The following MDM4 variants were observed in gnomAD, a reference collection of about 807,000 sequenced individuals.
MDM4 encodes protein Mdm4.
MDM4 carries 2 observed loss-of-function variants against 60.2 expected under a neutral mutation model. The observed-to-expected ratio is 0.03, with a 90% CI of 0.01 to 0.10. MDM4 has a LOEUF of 0.10. Ranked by LOEUF, MDM4 falls within the 10% of genes least tolerant of loss-of-function variation. The probability of loss-of-function intolerance (pLI) is 1.00; values close to 1 mark genes in which losing one functional copy is unlikely to be tolerated. For missense variants in MDM4, 447 were observed against 577.5 expected (o/e 0.77, Z 2.32); for synonymous variants, 202 against 198.1 (o/e 1.02, Z -0.17).
intron 5 of MDM4, among the ~76,000 whole-genome samples, chr1:204,536,123 G>C (rs1661392014): frequency 6.6e-6 from 1 of 152,086 alleles, no homozygotes; most frequent in African/African-American, 2.4e-5. Context: ...AGTCAGGCGT[G>C]CGCCTATAAT....
chr1:204,539,520 T>G (rs1003473336), intron 7 of MDM4, among the ~76,000 whole-genome samples: 1 of 148,210 alleles, frequency 6.7e-6, no homozygotes, highest in Non-Finnish European at 1.5e-5. Flanking sequence ...AAACTTGTTT[T>G]TTTTTTTTGT....
At chr1:204,530,860 C>G in intron 4 of MDM4, 43 bp downstream of exon 4, 1 of 1,612,464 alleles carries the variant, frequency 6.2e-7, no homozygotes, top group Non-Finnish European at 8.5e-7. Flanking sequence ...GGTGCTTATA[C>G]CTAGCCACTT....
intron 3 of MDM4, chr1:204,529,441 C>G: frequency 6.7e-7 from 1 of 1,499,814 alleles, no homozygotes; most frequent in East Asian, 2.3e-5. Flanking sequence ...CCCCCTGGAG[C>G]TGTACCATCA....
At chr1:204,523,318 T>C (rs1341057285) in intron 1 of MDM4, among the ~76,000 whole-genome samples, 4 of 148,836 alleles carry the variant, frequency 2.7e-5, no homozygotes, top group African/African-American at 9.8e-5. Flanking sequence ...ATACACAAAA[T>C]TAGCTGGGCG....
Position 204,553,330 on chromosome 1 carries a change from A to G in MDM4, c.*3648A>G, listed in dbSNP as rs1663357083. ...AGGAAACTTCCAAATACTGACATTT[A>G]CCTTTTAGCTGTAGTTATTGGGACC... On this transcript the variant is annotated 3_prime_UTR_variant, in exon 11 of 11. Coordinates refer to ENST00000367182, the MANE Select transcript of MDM4 (RefSeq NM_002393.5). 2 of 219,132 alleles carry G rather than the reference A, an allele frequency of 9.1e-6. No individual in the cohort carries two copies. The highest frequency in any genetic ancestry group is 9.2e-6 in the Non-Finnish European group (1 of 109,050). 13.6% of individuals were successfully genotyped at this position (219,132 alleles called of 1,614,324 possible). A position where few individuals can be genotyped will look rare whatever the true frequency, so the allele number is the denominator to read the frequency against.
intron 2 of MDM4, among the ~76,000 whole-genome samples, chr1:204,526,124 C>T (rs1402774578): frequency 1.3e-5 from 2 of 152,050 alleles, no homozygotes; most frequent in African/African-American, 4.8e-5. Flanking sequence ...GATATGGTGG[C>T]GTGCACCTGT....
rs1663209770 is a variant in MDM4, at chr1:204,551,568, A to C, written c.*1886A>C. On this transcript the variant is annotated 3_prime_UTR_variant, in exon 11 of 11. Transcript: ENST00000367182. ...ATCTGAAGAGGCCTCATCAGAGCAC[A>C]TATTTTAGGACAACACATATGGAAA... 4.6e-6 allele frequency: 1 copy of C among 215,532 alleles called. No individual in the cohort carries two copies. The highest frequency in any genetic ancestry group is 2.4e-5 in the African/African-American group (1 of 42,100). The allele number at this position is 215,532 out of a possible 1,614,324, so 13.4% of individuals were successfully genotyped here. A position where few individuals can be genotyped will look rare whatever the true frequency, so the allele number is the denominator to read the frequency against.
At chr1:204,540,418 A>G (rs1425121079) in intron 7 of MDM4, among the ~76,000 whole-genome samples, 2 of 152,102 alleles carry the variant, frequency 1.3e-5, no homozygotes, top group Non-Finnish European at 2.9e-5. Flanking sequence ...TCCATTAGAT[A>G]TGTTGTGGTC....
At position 204,549,767 on chromosome 1, in the gene MDM4, A is replaced by C. The variant is rs184995870; in HGVS notation, c.*85A>C. ...AATCCTTTATTTAATTTTATTTCCA[A>C]CCTGTCAGAGAATGTTCTTAGGCAT... On this transcript the variant is annotated 3_prime_UTR_variant, in exon 11 of 11. Coordinates refer to ENST00000367182, the MANE Select transcript of MDM4 (RefSeq NM_002393.5). 47 of 911,942 alleles carry C rather than the reference A, an allele frequency of 5.2e-5. No individual in the cohort carries two copies. The Admixed American group carries it at 7.7e-4, about 15-fold the overall frequency. 56.5% of individuals were successfully genotyped at this position (911,942 alleles called of 1,614,324 possible). A position where few individuals can be genotyped will look rare whatever the true frequency, so the allele number is the denominator to read the frequency against.
chr1:204,538,119 C>A, intron 6 of MDM4, 90 bp from the exon 7 acceptor site: 1 of 787,078 alleles, frequency 1.3e-6, no homozygotes, highest in Non-Finnish European at 2.3e-6. Context: ...CATTGTGTTG[C>A]ACACTAACTG....
intron 5 of MDM4, among the ~76,000 whole-genome samples, chr1:204,535,574 A>T (rs1469765565): frequency 6.7e-6 from 1 of 148,880 alleles, no homozygotes; most frequent in Non-Finnish European, 1.5e-5. Flanking sequence ...CGCTTTGTCG[A>T]CTAGGCTGGA....
rs150911732 is a variant in MDM4 at position 204,551,067 on chromosome 1, G to A, written c.*1385G>A. Reference sequence around the variant, plus strand: ...TTGTTTTGTTTTGTTTTTTGAGACAGGGTCTTGCTCTGTCGCCCAGGCTGG... The same window carrying A: ...TTGTTTTGTTTTGTTTTTTGAGACAAGGTCTTGCTCTGTCGCCCAGGCTGG... On this transcript the variant is annotated 3_prime_UTR_variant, in exon 11 of 11. Coordinates refer to ENST00000367182, the MANE Select transcript of MDM4 (RefSeq NM_002393.5). 5.1e-3 allele frequency: 958 copies of A among 188,930 alleles called. 14 individuals are homozygous for A. The highest frequency in any genetic ancestry group is 0.021 in the African/African-American group (899 of 42,848). 11.7% of individuals were successfully genotyped at this position (188,930 alleles called of 1,614,324 possible). A position where few individuals can be genotyped will look rare whatever the true frequency, so the allele number is the denominator to read the frequency against.
In MDM4 at chr1:204,540,420, G is replaced by A. The variant is rs565762070; in HGVS notation, c.511+2112G>A. On this transcript the variant is annotated intron_variant, in intron 7 of 10. Coordinates refer to ENST00000367182, the MANE Select transcript of MDM4 (RefSeq NM_002393.5). The stretch of plus-strand genomic sequence containing the variant: ...AGATCTTTGCCATTCCATTAGATAT[G>A]TTGTGGTCAGGCTAATGAGTTCATC... Among the ~76,000 whole-genome samples the A allele has an allele frequency of 3.9e-5, 6 of 152,222 alleles. No homozygotes were observed. The South Asian group carries it at 1.2e-3, about 32-fold the overall frequency.
rs539859510 is a variant in MDM4 at position 204,529,573 on chromosome 1, G to C, written c.154-1111G>C. On this transcript the variant is annotated intron_variant, in intron 3 of 10. Transcript: ENST00000367182. Reference sequence around the variant, plus strand: ...GGACCCCCATAGCCACCACCAGGGGGTAGCACGCTGCCATACTGCCCTCCA... The same window carrying C: ...GGACCCCCATAGCCACCACCAGGGGCTAGCACGCTGCCATACTGCCCTCCA... The C allele has an allele frequency of 1.7e-5, 25 of 1,436,172 alleles. No individual in the cohort carries two copies. In the African/African-American group the frequency reaches 3.6e-4, roughly 20 times the overall value. The allele number at this position is 1,436,172 out of a possible 1,614,324, so 89.0% of individuals were successfully genotyped here.
Position 204,551,950 on chromosome 1 carries a change from TACACTA to T in MDM4, c.*2278_*2283del, listed in dbSNP as rs374963075. The T allele has an allele frequency of 3.2e-3, 475 of 149,302 alleles. 1 individual carries two copies. Among genetic ancestry groups the T allele is most frequent in the African/African-American group, 0.013 (426 of 33,238 alleles). The allele number at this position is 149,302 out of a possible 1,614,324, so 9.2% of individuals were successfully genotyped here. On this transcript the variant is annotated 3_prime_UTR_variant, in exon 11 of 11. Transcript: ENST00000367182. Reference sequence around the variant, plus strand: ...GAATTGTCTTGGACCACACATAAAATACACTAACACTAACAATAGCTGATGAGCTAA... The same window carrying T: ...GAATTGTCTTGGACCACACATAAAATACACTAACAATAGCTGATGAGCTAA...
chr1:204,529,231 C>T, intron 3 of MDM4: 1 of 728,716 alleles, frequency 1.4e-6, no homozygotes. Flanking sequence ...CATCATGAGG[C>T]AGGTCTCATC....
At position 204,556,443 on chromosome 1, in the gene MDM4, A is replaced by G. The variant is rs1558346964; in HGVS notation, c.*6761A>G. On this transcript the variant is annotated 3_prime_UTR_variant, in exon 11 of 11. Transcript: ENST00000367182. ...CCAGGCGCGGTGGTTCACTCCTGTT[A>G]TTCCAGCACTGGGGTGGCCAAAGTG... is the stretch of plus-strand genomic sequence containing the variant. The G allele has an allele frequency of 4.4e-6, 1 of 225,058 alleles. No individual in the cohort carries two copies. Among genetic ancestry groups the G allele is most frequent in the Non-Finnish European group, 8.9e-6 (1 of 112,962 alleles). The allele number at this position is 225,058 out of a possible 1,614,324, so 13.9% of individuals were successfully genotyped here.
At chr1:204,523,446 G>A (rs568686070) in intron 1 of MDM4, among the ~76,000 whole-genome samples, 73 of 139,840 alleles carry the variant, frequency 5.2e-4, no homozygotes, top group Non-Finnish European at 5.4e-4. Context: ...CAGCCTGGGC[G>A]ACAGAGCGAG....
At chr1:204,547,387 G>T (rs1428473680) in intron 10 of MDM4, among the ~76,000 whole-genome samples, 1 of 152,192 alleles carries the variant, frequency 6.6e-6, no homozygotes, top group Admixed American at 6.5e-5. Flanking sequence ...AATAGGGATG[G>T]ATTTGTCACT....
Sources: allele counts gnomAD v4.1 joint callset (sites outside exome capture counted in the v4.1 genomes callset), GRCh38; gene constraint gnomAD v4.1.1; transcripts MANE v1.5; gene names NCBI Gene and HGNC (gene_info 2026-07-23, HGNC 2026-07-21).